Variants in RB1 observed in about 807,000 individuals in gnomAD.
The protein encoded by RB1 is RB transcriptional corepressor 1, also known as retinoblastoma-associated protein.
Under a neutral mutation model 135.4 loss-of-function variants are expected in RB1, and 18 were observed. The ratio of observed to expected loss-of-function variants is 0.13; its 90% CI spans 0.09 to 0.20. RB1 has a LOEUF of 0.20. RB1 is among the 10% of genes least tolerant of loss of function. RB1 has a pLI of 1.00. For missense variants in RB1, 868 were observed against 1,110.0 expected (o/e 0.78, Z 3.10); for synonymous variants, 365 against 373.2 (o/e 0.98, Z 0.25).
At chr13:48,440,930 T>C (rs1033130731) in intron 17 of RB1, among the ~76,000 whole-genome samples, 1 of 152,162 alleles carries the variant, frequency 6.6e-6, no homozygotes, top group African/African-American at 2.4e-5. Flanking sequence ...GGTTTGCTTA[T>C]AATTAAAATG....
At chr13:48,332,880 A>G (rs539179128) in intron 2 of RB1, 2 of 394,664 alleles carry the variant, frequency 5.1e-6, no homozygotes, top group South Asian at 1.4e-4. Context: ...TATCCTGTAC[A>G]TATATACCTG....
rs141745913 is a variant in RB1 at position 48,418,471 on chromosome 13, G to A, written c.1696-34522G>A. 5.5e-3 allele frequency among the ~76,000 whole-genome samples: 831 copies of A among 152,164 alleles called. 14 individuals are homozygous for A. Among genetic ancestry groups the A allele is most frequent in the African/African-American group, 0.019 (791 of 41,512 alleles). ...ATTGACACTATGAAGAAACTAATGG[G>A]CATCAACTAATGGGCAAACTAACTG... On this transcript the variant is annotated intron_variant, in intron 17 of 26. Coordinates refer to ENST00000267163, the MANE Select transcript of RB1 (RefSeq NM_000321.3).
Position 48,319,809 on chromosome 13 carries a change from CT to C in RB1, c.264+12405del. 3.3e-6 allele frequency: 1 copy of C among 304,282 alleles called. No homozygotes were observed. The highest frequency in any genetic ancestry group is 6.6e-6 in the Non-Finnish European group (1 of 151,856). 18.8% of individuals were successfully genotyped at this position (304,282 alleles called of 1,614,324 possible). ...CATTCAGAAGCTGTTCTATTTCCGC[CT>C]TAATGCTCTGCTCGAAGGAGTCGTT... On this transcript the variant is annotated intron_variant, in intron 2 of 26. Transcript: ENST00000267163. The surrounding 1 kb of genome is among the most constrained non-coding windows in gnomAD (Gnocchi z 5.0).
intron 17 of RB1, among the ~76,000 whole-genome samples, chr13:48,442,212 T>C (rs575608986): frequency 1.3e-5 from 2 of 152,094 alleles, no homozygotes; most frequent in Non-Finnish European, 1.5e-5. Context: ...TTTTATTTTT[T>C]TTTTTTGAAA....
At chr13:48,405,929 C>T (rs776416311) in intron 17 of RB1, among the ~76,000 whole-genome samples, 3 of 152,034 alleles carry the variant, frequency 2.0e-5, no homozygotes, top group African/African-American at 7.2e-5. Context: ...TTAACACTAC[C>T]TTCTTGAAGT....
rs1949433617 is a variant in RB1 at position 48,465,332 on chromosome 13, G to T, written c.2453G>T (p.Gly818Val). Reference sequence around the variant, plus strand: ...AAGAGTCCATATAAAATTTCAGAAGGTCTGCCAACACCAACAAAAATGACT... The same window carrying T: ...AAGAGTCCATATAAAATTTCAGAAGTTCTGCCAACACCAACAAAAATGACT... ...PLKSPYKISE[G>V]LPTPTKMTPR... Residue 818 changes from glycine to valine, a missense_variant, in exon 23 of 27, where the codon GGT becomes GTT. Physicochemically the swap from Gly to Val is moderately radical, Grantham distance 109 (BLOSUM62 -3). Around this residue, in one of 3 missense-constraint regions of RB1, gnomAD observed 196 missense variants for 239.8 expected, o/e 0.82. Coordinates refer to ENST00000267163, the MANE Select transcript of RB1 (RefSeq NM_000321.3). 4 of 1,610,132 alleles carry T rather than the reference G, an allele frequency of 2.5e-6. No individual in the cohort carries two copies. The highest frequency in any genetic ancestry group is 2.5e-6 in the Non-Finnish European group (3 of 1,176,544).
intron 18 of RB1, among the ~76,000 whole-genome samples, chr13:48,453,923 A>G (rs1204729501): frequency 6.6e-6 from 1 of 152,232 alleles, no homozygotes; most frequent in African/African-American, 2.4e-5. Context: ...GTGTGGGAAC[A>G]AAAGGAAAGG....
intron 21 of RB1, among the ~76,000 whole-genome samples, chr13:48,464,647 C>T (rs973673876): frequency 1.1e-4 from 16 of 152,174 alleles, no homozygotes; most frequent in Non-Finnish European, 2.2e-4. Context: ...TCGCTCAGCT[C>T]TGGCCCTTTG....
chr13:48,313,869 C>T (rs1204414362), intron 2 of RB1, among the ~76,000 whole-genome samples: 1 of 151,340 alleles, frequency 6.6e-6, no homozygotes, highest in Non-Finnish European at 1.5e-5. Flanking sequence ...CTGCCTCAGC[C>T]TCCCAAAGAG....
At chr13:48,344,666 A>G (rs174857) in intron 3 of RB1, among the ~76,000 whole-genome samples, 118,752 of 152,124 alleles carry the variant, frequency 0.78, 52,129 homozygotes, top group Non-Finnish European at 0.97. Flanking sequence ...ATGAGTAAGT[A>G]AACTGAGGAT....
intron 17 of RB1, among the ~76,000 whole-genome samples, chr13:48,432,709 G>A (rs950303608): frequency 1.3e-5 from 2 of 151,886 alleles, no homozygotes; most frequent in Non-Finnish European, 2.9e-5. Context: ...CTTGACTTCT[G>A]TCAATTATTT....
At chr13:48,429,764 C>G (rs1334433957) in intron 17 of RB1, among the ~76,000 whole-genome samples, 1 of 151,884 alleles carries the variant, frequency 6.6e-6, no homozygotes, top group Non-Finnish European at 1.5e-5. Context: ...ATTTATGTAC[C>G]AGCAGTAATC....
At chr13:48,341,765 T>C (rs1189089279) in intron 2 of RB1, among the ~76,000 whole-genome samples, 1 of 152,020 alleles carries the variant, frequency 6.6e-6, no homozygotes, top group African/African-American at 2.4e-5. Context: ...ATATAATTGA[T>C]ATTTCAAAAT....
intron 17 of RB1, among the ~76,000 whole-genome samples, chr13:48,391,800 G>C (rs892214369): frequency 6.6e-6 from 1 of 151,874 alleles, no homozygotes; most frequent in African/African-American, 2.4e-5. Context: ...TATATTTTTA[G>C]TAGAGAAAGG....
intron 16 of RB1, 54 bp downstream of exon 16, chr13:48,380,295 GGT>G (rs2138143419): frequency 7.4e-7 from 1 of 1,347,454 alleles, no homozygotes; most frequent in South Asian, 1.2e-5. Flanking sequence ...GTTAAAATGT[GGT>G]GTGTTTCTTT....
chr13:48,304,805 C>T (rs1952066378), intron 1 of RB1, among the ~76,000 whole-genome samples: 1 of 151,844 alleles, frequency 6.6e-6, no homozygotes, highest in Admixed American at 6.6e-5. Flanking sequence ...GCGTGTTAGT[C>T]GGCTTCGGCT....
In RB1 at chr13:48,307,539, G is replaced by A. The variant is rs575745684; in HGVS notation, c.264+133G>A. ...CTAATAATAATTCCATTACCCAGAG[G>A]AAATTTACCTCTGCTAACATTAAAA... is the stretch of plus-strand genomic sequence containing the variant. On this transcript the variant is annotated intron_variant, in intron 2 of 26. Transcript: ENST00000267163. 1.7e-5 allele frequency: 16 copies of A among 957,878 alleles called. 1 individual carries two copies. In the Admixed American group the frequency reaches 2.7e-4, roughly 16 times the overall value. The allele number at this position is 957,878 out of a possible 1,614,324, so 59.3% of individuals were successfully genotyped here. A position where few individuals can be genotyped will look rare whatever the true frequency, so the allele number is the denominator to read the frequency against.
intron 17 of RB1, among the ~76,000 whole-genome samples, chr13:48,431,837 T>C (rs887952517): frequency 6.6e-6 from 1 of 152,210 alleles, no homozygotes; most frequent in Non-Finnish European, 1.5e-5. Flanking sequence ...AAGACAGGCA[T>C]ATTAAAATTT....
chr13:48,334,820 A>T (rs1952368809), intron 2 of RB1, among the ~76,000 whole-genome samples: 1 of 152,176 alleles, frequency 6.6e-6, no homozygotes, highest in African/African-American at 2.4e-5. Flanking sequence ...AAATGAACTC[A>T]ACTAAATGAT....
Sources: allele counts gnomAD v4.1 joint callset (sites outside exome capture counted in the v4.1 genomes callset), GRCh38; gene constraint gnomAD v4.1.1; regional missense constraint gnomAD v4.1.1; non-coding constraint Gnocchi (gnomAD v3.1); transcripts MANE v1.5; gene names NCBI Gene and HGNC (gene_info 2026-07-23, HGNC 2026-07-21).